NKAIN3: variants seen among roughly 807,000 people sequenced by gnomAD.
NKAIN3 encodes the protein sodium/potassium transporting ATPase interacting 3, also known as sodium/potassium-transporting ATPase subunit beta-1-interacting protein 3.
In NKAIN3, 25 loss-of-function variants were observed where a neutral mutation model predicts 30.2. The observed-to-expected ratio is 0.83, with a 90% CI of 0.60 to 1.16. The LOEUF (loss-of-function observed/expected upper bound fraction) is 1.16, where lower values mean the gene tolerates loss of function less well. Among genes scored for constraint, NKAIN3 ranks in the 50% most tolerant of loss-of-function variants. The pLI, the probability that NKAIN3 is intolerant of heterozygous loss-of-function variation, is 0.00. For missense variants in NKAIN3, 225 were observed against 254.1 expected (o/e 0.89, Z 0.78); for synonymous variants, 91 against 89.6 (o/e 1.02, Z -0.09).
chr8:62,547,261 C>T lies in NKAIN3; in HGVS notation c.55-32278C>T, dbSNP rs193235921. Among the ~76,000 whole-genome samples the T allele has an allele frequency of 5.9e-5, 9 of 152,272 alleles. No individual in the cohort carries two copies. The East Asian group carries it at 1.4e-3, about 23-fold the overall frequency. ...TCAACCCTGTCCTTAGAGAGATCTC[C>T]ACTGGTACATGTCTCTCTTAACTCC... On this transcript the variant is annotated intron_variant, in intron 1 of 6. Transcript: ENST00000623646.
chr8:62,380,234 A>G (rs1251794515), intron 1 of NKAIN3, among the ~76,000 whole-genome samples: 2 of 152,196 alleles, frequency 1.3e-5, no homozygotes, highest in African/African-American at 4.8e-5. Flanking sequence ...GTTTTAAATT[A>G]ATAAATAGTT....
intron 1 of NKAIN3, among the ~76,000 whole-genome samples, chr8:62,486,409 CA>C (rs147115278): frequency 1.1e-3 from 157 of 147,562 alleles, no homozygotes; most frequent in Middle Eastern, 7.0e-3. Context: ...CTTTCTTTTT[CA>C]AAAAAAAAAT....
rs551782596 is a variant in NKAIN3 at position 62,969,414 on chromosome 8, A to G, written c.*4007A>G. 6.6e-6 allele frequency among the ~76,000 whole-genome samples: 1 copy of G among 152,348 alleles called. No homozygotes were observed. Among genetic ancestry groups the G allele is most frequent in the East Asian group, 1.9e-4 (1 of 5,194 alleles). ...GCAAAAACCAAAATTTCTCTTTTCAATCTTTGCAAATTAAAAAGGAATCTT... is the reference window on the plus strand; with the variant it reads ...GCAAAAACCAAAATTTCTCTTTTCAGTCTTTGCAAATTAAAAAGGAATCTT... On this transcript the variant is annotated 3_prime_UTR_variant, in exon 7 of 7. Coordinates refer to ENST00000623646, the MANE Select transcript of NKAIN3 (RefSeq NM_001304533.3).
intron 1 of NKAIN3, among the ~76,000 whole-genome samples, chr8:62,341,532 G>A (rs1433152401): frequency 6.6e-6 from 1 of 151,976 alleles, no homozygotes; most frequent in Admixed American, 6.6e-5. Context: ...AGCATCAAAA[G>A]CAATTTACTT....
At chr8:62,616,236 C>A (rs1811449987) in intron 3 of NKAIN3, among the ~76,000 whole-genome samples, 1 of 152,022 alleles carries the variant, frequency 6.6e-6, no homozygotes, top group Admixed American at 6.6e-5. Flanking sequence ...CTAGCATAGA[C>A]CCCACAGGTT....
chr8:62,577,814 T>C (rs1045902188), intron 1 of NKAIN3, among the ~76,000 whole-genome samples: 4 of 151,954 alleles, frequency 2.6e-5, no homozygotes, highest in Non-Finnish European at 5.9e-5. Context: ...TCCTGAATCA[T>C]ATCACTCCAT....
At chr8:62,752,917 C>T (rs967323106) in intron 4 of NKAIN3, among the ~76,000 whole-genome samples, 5 of 152,114 alleles carry the variant, frequency 3.3e-5, no homozygotes, top group South Asian at 2.1e-4. Context: ...CTGATGCAGA[C>T]GCAATTTGTT....
chr8:62,386,812 C>T (rs1022979102), intron 1 of NKAIN3, among the ~76,000 whole-genome samples: 2 of 151,978 alleles, frequency 1.3e-5, no homozygotes. Flanking sequence ...AGTCTCAGTT[C>T]TCTGATCTGT....
chr8:62,506,135 C>G (rs1807626937), intron 1 of NKAIN3, among the ~76,000 whole-genome samples: 1 of 88,042 alleles, frequency 1.1e-5, no homozygotes, highest in Non-Finnish European at 3.3e-5. Context: ...ATCAGGATAA[C>G]CTCCCCATAA....
At chr8:62,462,861 A>T (rs1025227533) in intron 1 of NKAIN3, among the ~76,000 whole-genome samples, 6 of 152,190 alleles carry the variant, frequency 3.9e-5, no homozygotes, top group Non-Finnish European at 8.8e-5. Context: ...CTTTTCAGGG[A>T]TCTGCACTTC....
At chr8:62,578,180 G>A (rs371166949) in intron 1 of NKAIN3, among the ~76,000 whole-genome samples, 1 of 152,162 alleles carries the variant, frequency 6.6e-6, no homozygotes, top group East Asian at 1.9e-4. Context: ...AGGTGATATT[G>A]TAAAATTTTT....
chr8:62,640,190 G>A (rs1481180552), intron 3 of NKAIN3, among the ~76,000 whole-genome samples: 1 of 152,092 alleles, frequency 6.6e-6, no homozygotes, highest in Non-Finnish European at 1.5e-5. Flanking sequence ...GTTTGGCTTT[G>A]TATCCCCACC....
Position 62,856,466 on chromosome 8 carries a change from C to T in NKAIN3, c.472-61987C>T, listed in dbSNP as rs191946090. The T allele has an allele frequency of 2.5e-3, 1,990 of 786,118 alleles. 2 individuals carry two copies. Among genetic ancestry groups the T allele is most frequent in the Non-Finnish European group, 3.4e-3 (1,457 of 429,362 alleles). 48.7% of individuals were successfully genotyped at this position (786,118 alleles called of 1,614,324 possible). ...CTATAGAATAAGGATATGTCAAAGC[C>T]CCCAGGTTTCTTCAGGTGCTTCAAG... On this transcript the variant is annotated intron_variant, in intron 4 of 6. Transcript: ENST00000623646.
At chr8:62,867,950 C>A (rs1210400352) in intron 4 of NKAIN3, among the ~76,000 whole-genome samples, 1 of 152,144 alleles carries the variant, frequency 6.6e-6, no homozygotes, top group African/African-American at 2.4e-5. Context: ...GTAGTACATG[C>A]AGCTGTGTAA....
intron 4 of NKAIN3, among the ~76,000 whole-genome samples, chr8:62,804,006 A>G (rs1298121789): frequency 6.6e-6 from 1 of 152,236 alleles, no homozygotes; most frequent in Non-Finnish European, 1.5e-5. Context: ...ATAAACTAGA[A>G]AATCTAGCAG....
chr8:62,928,047 G>A (rs1305344553), intron 5 of NKAIN3, among the ~76,000 whole-genome samples: 2 of 152,028 alleles, frequency 1.3e-5, no homozygotes, highest in African/African-American at 4.8e-5. Flanking sequence ...ATGTTCTCTA[G>A]ACTATGTACT....
Position 62,316,439 on chromosome 8 carries a change from C to A in NKAIN3, c.54+67312C>A, listed in dbSNP as rs944970868. ...ATGCTATCCCCCCCCTCCTCCCACC[C>A]CACAACAGTCCCCACTCTGTGATGT... On this transcript the variant is annotated intron_variant, in intron 1 of 6. Transcript: ENST00000623646. Among the ~76,000 whole-genome samples the A allele has an allele frequency of 2.6e-5, 4 of 151,950 alleles. No individual in the cohort carries two copies. The East Asian group carries it at 7.8e-4, about 29-fold the overall frequency.
At chr8:62,997,681 T>C (rs917903140) in intron 5 of NKAIN3, among the ~76,000 whole-genome samples, 2 of 151,642 alleles carry the variant, frequency 1.3e-5, no homozygotes, top group Non-Finnish European at 2.9e-5. Context: ...CTTTGCCCTA[T>C]AGTGAGAGAA....
intron 3 of NKAIN3, among the ~76,000 whole-genome samples, chr8:62,653,322 T>C (rs117212784): frequency 0.018 from 2,743 of 152,268 alleles, 51 homozygotes; most frequent in Non-Finnish European, 0.028. Flanking sequence ...CTGTGGTTCC[T>C]CTTCTTATTA....
Sources: allele counts gnomAD v4.1 joint callset (sites outside exome capture counted in the v4.1 genomes callset), GRCh38; gene constraint gnomAD v4.1.1; transcripts MANE v1.5; gene names NCBI Gene and HGNC (gene_info 2026-07-23, HGNC 2026-07-21).